BACH1: variants seen among roughly 807,000 people sequenced by gnomAD.
BACH1 encodes transcription regulator protein BACH1.
A neutral mutation model predicts 52.9 loss-of-function variants in BACH1; 35 were observed. The observed-to-expected ratio is 0.66, with a 90% CI of 0.51 to 0.88. The LOEUF is 0.88. Ranked by LOEUF, BACH1 falls within the 40% of genes least tolerant of loss-of-function variation. The probability of loss-of-function intolerance (pLI) is 0.00; values close to 1 mark genes in which losing one functional copy is unlikely to be tolerated. For synonymous variants in BACH1, 321 were observed against 319.6 expected (o/e 1.00, Z -0.05); for missense variants, 808 against 872.6 (o/e 0.93, Z 0.93).
chr21:29,333,718 A>G (rs2089011343), intron 4 of BACH1, among the ~76,000 whole-genome samples: 1 of 152,226 alleles, frequency 6.6e-6, no homozygotes, highest in Admixed American at 6.5e-5. Flanking sequence ...ATGGATCAGC[A>G]TGTGATAAAA....
Position 29,331,924 on chromosome 21 carries a change from G to A in BACH1, c.1776+2231G>A, listed in dbSNP as rs184449897. Among the ~76,000 whole-genome samples the A allele has an allele frequency of 2.6e-4, 39 of 151,192 alleles. 1 individual carries two copies. The highest frequency in any genetic ancestry group is 2.8e-4 in the Non-Finnish European group (19 of 67,838). The stretch of plus-strand genomic sequence containing the variant: ...TTTATTTATTTATTTATTTTTAGAC[G>A]GAGTCTTGCTCTGTCACCCAGGCTG... On this transcript the variant is annotated intron_variant, in intron 4 of 4. Coordinates refer to ENST00000286800, the MANE Select transcript of BACH1 (RefSeq NM_001186.4).
At chr21:29,324,562 GT>G (rs2088888410) in intron 2 of BACH1, among the ~76,000 whole-genome samples, 1 of 19,714 alleles carries the variant, frequency 5.1e-5, no homozygotes, top group Non-Finnish European at 9.7e-5. Context: ...TACCTTGTGT[GT>G]GTGTGTGTGT....
At chr21:29,357,487 G>GGTATCTGAGTGTACTAGTACACTA (rs2089242166) in intron 2 of BACH1, among the ~76,000 whole-genome samples, 1 of 152,156 alleles carries the variant, frequency 6.6e-6, no homozygotes, top group African/African-American at 2.4e-5. Flanking sequence ...AGTAGCGCCT[G>GGTATCTGAGTGTACTAGTACACTA]GTATCTGAGT....
intron 1 of BACH1, among the ~76,000 whole-genome samples, chr21:29,313,200 A>G (rs1388941869): frequency 6.6e-6 from 1 of 152,236 alleles, no homozygotes; most frequent in Non-Finnish European, 1.5e-5. Context: ...AGCTAGGAAA[A>G]AAAAAAGGTC....
rs758884168 is a variant in BACH1 at position 29,329,543 on chromosome 21, G to A, written c.1626G>A (p.Gln542=). Residue 542 remains glutamine (Q), a synonymous_variant, in exon 4 of 5, where the codon CAG becomes CAA. Transcript: ENST00000286800. The part of the protein sequence containing the change: ...RIISLSRNDF[Q]SLLKMHKLTP... ...TTTCACTGTCTCGAAATGATTTTCA[G>A]TCCTTGTTGAAAATGCACAAGCTTA... 6.2e-7 allele frequency: 1 copy of A among 1,602,208 alleles called. No individual in the cohort carries two copies.
At chr21:29,322,198 A>G (rs543201294) in intron 2 of BACH1, among the ~76,000 whole-genome samples, 6 of 152,292 alleles carry the variant, frequency 3.9e-5, no homozygotes, top group Middle Eastern at 6.8e-3. Context: ...TGTGGGAGCT[A>G]CAATTCAAGA....
chr21:29,352,913 G>A (rs146796421), intron 2 of BACH1, among the ~76,000 whole-genome samples: 6 of 152,014 alleles, frequency 3.9e-5, no homozygotes, highest in Admixed American at 2.0e-4. Flanking sequence ...GGGTTTCACC[G>A]TGTTGGCCAG....
At chr21:29,335,313 A>G (rs1174118218) in intron 4 of BACH1, among the ~76,000 whole-genome samples, 1 of 152,126 alleles carries the variant, frequency 6.6e-6, no homozygotes, top group African/African-American at 2.4e-5. Flanking sequence ...AGGGATGAAA[A>G]GCTGTTTGTA....
chr21:29,353,947 G>A (rs1244855701), intron 2 of BACH1, among the ~76,000 whole-genome samples: 1 of 152,184 alleles, frequency 6.6e-6, no homozygotes, highest in Non-Finnish European at 1.5e-5. Flanking sequence ...TCATTTCCAA[G>A]GGGATCCTAT....
At chr21:29,317,735 T>C (rs1415924515) in intron 1 of BACH1, among the ~76,000 whole-genome samples, 2 of 152,194 alleles carry the variant, frequency 1.3e-5, no homozygotes, top group African/African-American at 4.8e-5. Flanking sequence ...GGTATAAGGC[T>C]TTTGTTAATA....
chr21:29,317,832 A>G (rs1378442517), intron 1 of BACH1, among the ~76,000 whole-genome samples: 1 of 152,090 alleles, frequency 6.6e-6, no homozygotes, highest in Non-Finnish European at 1.5e-5. Context: ...ATCTCATATA[A>G]ACTTCAGAAC....
Position 29,342,689 on chromosome 21 carries a change from G to A in BACH1, c.2067G>A (p.Glu689=). The A allele has an allele frequency of 6.2e-7, 1 of 1,614,222 alleles. No individual in the cohort carries two copies. The highest frequency in any genetic ancestry group is 8.5e-7 in the Non-Finnish European group (1 of 1,180,050). ...VLPPCARGNS[E]PGYARGQESQ... ...CTCCCTGTGCCAGAGGAAACAGTGA[G>A]CCTGGCTACGCGCGAGGGCAGGAGT... Residue 689 remains glutamate, a synonymous_variant, in exon 5 of 5, where the codon GAG becomes GAA. Coordinates refer to ENST00000286800, the MANE Select transcript of BACH1 (RefSeq NM_001186.4).
At chr21:29,316,744 TTC>T in intron 1 of BACH1, among the ~76,000 whole-genome samples, 1 of 152,320 alleles carries the variant, frequency 6.6e-6, no homozygotes, top group East Asian at 1.9e-4. Context: ...GCAAGGTGTT[TTC>T]ATGACTGTAG....
At position 29,343,091 on chromosome 21, in the gene BACH1, ATAACTCTAG is replaced by A; in HGVS notation, c.*262_*270del. 3.2e-6 allele frequency: 1 copy of A among 313,842 alleles called. No individual in the cohort carries two copies. Among genetic ancestry groups the A allele is most frequent in the South Asian group, 6.5e-5 (1 of 15,360 alleles). 19.4% of individuals were successfully genotyped at this position (313,842 alleles called of 1,614,324 possible). A position where few individuals can be genotyped will look rare whatever the true frequency, so the allele number is the denominator to read the frequency against. ...TTTAAAACTCATGTTTTAAAGAATAATAACTCTAGTAATAACTCTTCCTGCTATTCAGAA... is the reference window on the plus strand; with the variant it reads ...TTTAAAACTCATGTTTTAAAGAATAATAATAACTCTTCCTGCTATTCAGAA... On this transcript the variant is annotated 3_prime_UTR_variant, in exon 5 of 5. Coordinates refer to ENST00000286800, the MANE Select transcript of BACH1 (RefSeq NM_001186.4).
chr21:29,327,490 G>A (rs1012459797), intron 3 of BACH1, 97 bp downstream of exon 3: 82 of 1,467,900 alleles, frequency 5.6e-5, no homozygotes, highest in Non-Finnish European at 6.3e-5. Context: ...ATATAATCAG[G>A]TTCAGGGAGT....
chr21:29,322,560 C>T (rs117942277), intron 2 of BACH1, among the ~76,000 whole-genome samples: 1 of 152,106 alleles, frequency 6.6e-6, no homozygotes, highest in Non-Finnish European at 1.5e-5. Flanking sequence ...TTAGTAACTG[C>T]TACTAGCAGA....
At chr21:29,322,094 G>A (rs113942734) in intron 2 of BACH1, among the ~76,000 whole-genome samples, 2,237 of 152,240 alleles carry the variant, frequency 0.015, 29 homozygotes, top group Non-Finnish European at 0.023. Flanking sequence ...ATCACATCTC[G>A]TGAGACTTAT....
intron 1 of BACH1, among the ~76,000 whole-genome samples, chr21:29,316,646 G>T (rs1198035477): frequency 1.3e-5 from 2 of 152,202 alleles, no homozygotes; most frequent in Non-Finnish European, 2.9e-5. Flanking sequence ...GGTAAAAATG[G>T]ATTGCTGACC....
chr21:29,322,531 G>A (rs1052515452), intron 2 of BACH1, among the ~76,000 whole-genome samples: 1 of 152,152 alleles, frequency 6.6e-6, no homozygotes, highest in African/African-American at 2.4e-5. Context: ...CTGACTCCTA[G>A]CAGCATCCCT....
Sources: allele counts gnomAD v4.1 joint callset (sites outside exome capture counted in the v4.1 genomes callset), GRCh38; gene constraint gnomAD v4.1.1; transcripts MANE v1.5; gene names NCBI Gene and HGNC (gene_info 2026-07-23, HGNC 2026-07-21).